The following RIPK1 variants were observed in gnomAD, a reference collection of about 807,000 sequenced individuals.
RIPK1 encodes receptor-interacting serine/threonine-protein kinase 1.
RIPK1 carries 27 observed loss-of-function variants against 62.4 expected under a neutral mutation model. The ratio of observed to expected loss-of-function variants is 0.43; its 90% confidence interval spans 0.32 to 0.60. The LOEUF (loss-of-function observed/expected upper bound fraction) is 0.60, where lower values mean the gene tolerates loss of function less well. RIPK1 is among the 20% of genes least tolerant of loss of function. RIPK1 has a pLI of 0.07. For missense variants in RIPK1, 735 were observed against 831.0 expected (o/e 0.88, Z 1.42); for synonymous variants, 287 against 303.2 (o/e 0.95, Z 0.55).
intron 7 of RIPK1, 71 bp downstream of exon 7, chr6:3,089,728 CA>C (rs1759925258): frequency 1.1e-6 from 1 of 873,438 alleles, no homozygotes; most frequent in African/African-American, 1.7e-5. Context: ...AAAACCAAAA[CA>C]AAGTGATTTG....
intron 1 of RIPK1, among the ~76,000 whole-genome samples, chr6:3,076,380 C>G (rs1329935946): frequency 6.6e-6 from 1 of 152,166 alleles, no homozygotes; most frequent in South Asian, 2.1e-4. Context: ...TAAAAATGAT[C>G]TTTTCTGCCA....
chr6:3,079,625 G>A (rs909556211), intron 3 of RIPK1, among the ~76,000 whole-genome samples: 2 of 152,204 alleles, frequency 1.3e-5, no homozygotes, highest in Non-Finnish European at 2.9e-5. Flanking sequence ...GGCGGGATAT[G>A]GCTGCCTTTA....
At chr6:3,094,602 A>G (rs1164615361) in intron 7 of RIPK1, among the ~76,000 whole-genome samples, 1 of 146,166 alleles carries the variant, frequency 6.8e-6, no homozygotes, top group Non-Finnish European at 1.5e-5. Flanking sequence ...TATATATATG[A>G]AGAAAGGCTG....
chr6:3,085,207 C>T, intron 5 of RIPK1, 52 bp from the exon 6 acceptor site: 1 of 1,606,286 alleles, frequency 6.2e-7, no homozygotes, highest in South Asian at 1.1e-5. Flanking sequence ...AGTTCTGTCA[C>T]CTTCCTGCCT....
intron 5 of RIPK1, 129 bp downstream of exon 5, chr6:3,083,442 G>A: frequency 2.8e-6 from 2 of 719,388 alleles, no homozygotes; most frequent in Non-Finnish European, 4.6e-6. Context: ...GTGATCATAG[G>A]ATGAATAGGA....
In RIPK1 at chr6:3,105,697, G is replaced by A; in HGVS notation, c.1222G>A (p.Glu408Lys). ...QPRQNVAYNR[E>K]EERRRRVSHD... ...CAGACAGAATGTGGCTTACAACAGA[G>A]AGGAGGAAAGGAGACGCAGGGTCTC... is the stretch of plus-strand genomic sequence containing the variant. The change falls in exon 9 of 11, where the codon GAG becomes AAG. Residue 408 changes from glutamate to lysine, a missense_variant. Glu to Lys is a moderately conservative substitution (Grantham distance 56). Transcript: ENST00000259808. The surrounding 1 kb of genome is among the most constrained non-coding windows in gnomAD (Gnocchi z 4.5). 3 of 1,614,186 alleles carry A rather than the reference G, an allele frequency of 1.9e-6. No homozygotes were observed. The highest frequency in any genetic ancestry group is 1.7e-6 in the Non-Finnish European group (2 of 1,180,012).
chr6:3,069,457 C>T (rs1758578142), intron 1 of RIPK1, among the ~76,000 whole-genome samples: 1 of 141,754 alleles, frequency 7.1e-6, no homozygotes, highest in Non-Finnish European at 1.5e-5. Context: ...CACAGGGATG[C>T]GGGGGTTGCG....
intron 9 of RIPK1, among the ~76,000 whole-genome samples, chr6:3,109,216 C>G (rs1056760040): frequency 6.6e-6 from 1 of 152,062 alleles, no homozygotes; most frequent in African/African-American, 2.4e-5. Flanking sequence ...TACAGAGCGG[C>G]GCAGGGCAGA....
Position 3,083,216 on chromosome 6 carries a change from C to T in RIPK1, c.591C>T (p.His197=), listed in dbSNP as rs570984795. 1.9e-5 allele frequency: 31 copies of T among 1,614,026 alleles called. No individual in the cohort carries two copies. The East Asian group carries it at 6.7e-4, about 35-fold the overall frequency. The change falls in exon 5 of 11, where the codon CAC becomes CAT. Residue 197 remains histidine, a synonymous_variant. Coordinates refer to ENST00000259808, the MANE Select transcript of RIPK1 (RefSeq NM_001354930.2). ...GGTLYYMAPE[H]LNDVNAKPTE... is the part of the protein sequence containing the mutation. ...CCCTCTACTACATGGCGCCCGAGCA[C>T]CTGAATGACGTCAACGCAAAGCCCA... is the stretch of plus-strand genomic sequence containing the variant.
chr6:3,098,275 G>A (rs1395026943), intron 7 of RIPK1, among the ~76,000 whole-genome samples: 5 of 152,198 alleles, frequency 3.3e-5, no homozygotes, highest in African/African-American at 7.2e-5. Flanking sequence ...TAGAGAAATT[G>A]TATAAATCGG....
chr6:3,090,655 TAGAAC>T (rs1760007102), intron 7 of RIPK1, among the ~76,000 whole-genome samples: 1 of 152,098 alleles, frequency 6.6e-6, no homozygotes, highest in Non-Finnish European at 1.5e-5. Context: ...CTTCAATTGA[TAGAAC>T]GAGCAAACAA....
At chr6:3,074,595 A>T (rs1448849585) in intron 1 of RIPK1, among the ~76,000 whole-genome samples, 1 of 152,264 alleles carries the variant, frequency 6.6e-6, no homozygotes, top group Non-Finnish European at 1.5e-5. Flanking sequence ...ATAAATGCCT[A>T]TGAAATTTCA....
At position 3,070,601 on chromosome 6, in the gene RIPK1, C is replaced by T. The variant is rs187156377; in HGVS notation, c.-61+1940C>T. ...TGTAGGCATGCACTACCATGCCTGGCTAATTTTTGTATTTTTAGTAGAGAC... is the reference window on the plus strand; with the variant it reads ...TGTAGGCATGCACTACCATGCCTGGTTAATTTTTGTATTTTTAGTAGAGAC... On this transcript the variant is annotated intron_variant, in intron 1 of 10. Coordinates refer to ENST00000259808, the MANE Select transcript of RIPK1 (RefSeq NM_001354930.2). 3.5e-3 allele frequency among the ~76,000 whole-genome samples: 536 copies of T among 151,616 alleles called. 3 individuals carry two copies. The highest frequency in any genetic ancestry group is 0.013 in the African/African-American group (513 of 40,958).
At chr6:3,087,410 TG>T (rs1759755890) in intron 6 of RIPK1, among the ~76,000 whole-genome samples, 1 of 142,914 alleles carries the variant, frequency 7.0e-6, no homozygotes, top group African/African-American at 3.1e-5. Flanking sequence ...CCTGAGGCTT[TG>T]TGTTTTTTTT....
In RIPK1 at chr6:3,072,254, A is replaced by G. The variant is rs934938967; in HGVS notation, c.-61+3593A>G. 1.3e-5 allele frequency among the ~76,000 whole-genome samples: 2 copies of G among 152,188 alleles called. No individual in the cohort carries two copies. Among genetic ancestry groups the G allele is most frequent in the Non-Finnish European group, 2.9e-5 (2 of 68,034 alleles). On this transcript the variant is annotated intron_variant, in intron 1 of 10. Coordinates refer to ENST00000259808, the MANE Select transcript of RIPK1 (RefSeq NM_001354930.2). The surrounding 1 kb of genome is among the most constrained non-coding windows in gnomAD (Gnocchi z 5.6). ...TTAATTTTACATTTAATTCATGTCTATTGTGGAAAATTTGGAAAACATAGT... is the reference window on the plus strand; with the variant it reads ...TTAATTTTACATTTAATTCATGTCTGTTGTGGAAAATTTGGAAAACATAGT...
At chr6:3,094,860 G>T (rs1323487191) in intron 7 of RIPK1, among the ~76,000 whole-genome samples, 1 of 151,976 alleles carries the variant, frequency 6.6e-6, no homozygotes, top group South Asian at 2.1e-4. Context: ...CCAGGAGTTT[G>T]AGACCAGCCT....
chr6:3,070,199 C>T (rs1283232871), intron 1 of RIPK1, among the ~76,000 whole-genome samples: 1 of 152,100 alleles, frequency 6.6e-6, no homozygotes, highest in Non-Finnish European at 1.5e-5. Flanking sequence ...GTTGTACTTT[C>T]TGGAATGTGA....
chr6:3,067,400 AT>A (rs1758428578), upstream of RIPK1, among the ~76,000 whole-genome samples: 1 of 151,990 alleles, frequency 6.6e-6, no homozygotes, highest in African/African-American at 2.4e-5. Context: ...CCTCATCAAC[AT>A]TTGTTGTTGT....
chr6:3,104,137 C>A, intron 7 of RIPK1, 88 bp from the exon 8 acceptor site: 1 of 607,826 alleles, frequency 1.6e-6, no homozygotes, highest in Non-Finnish European at 3.0e-6. Flanking sequence ...TTTCTACCTT[C>A]TGAAAATATG....
Sources: gnomAD v4.1 joint callset for allele counts (sites outside exome capture counted in the v4.1 genomes callset) on GRCh38, gnomAD v4.1.1 for gene constraint, Gnocchi (gnomAD v3.1) non-coding constraint, MANE v1.5 for transcripts, NCBI Gene and HGNC (gene_info 2026-07-23, HGNC 2026-07-21) for gene names.